The following ZRSR2 variants were observed in gnomAD, a reference collection of about 807,000 sequenced individuals.
The protein encoded by ZRSR2 is zinc finger CCCH-type, RNA binding motif and serine/arginine rich 2.
ZRSR2 carries 3 observed loss-of-function variants against 39.4 expected under a neutral mutation model. The observed-to-expected ratio is 0.08, with a 90% CI of 0.03 to 0.20. ZRSR2 has a LOEUF of 0.20. Among genes scored for constraint, ZRSR2 ranks in the 10% least tolerant of loss-of-function variants. The pLI is 1.00. For missense variants in ZRSR2, 256 were observed against 391.5 expected (o/e 0.65, Z 2.92); for synonymous variants, 137 against 136.0 (o/e 1.01, Z -0.05).
In ZRSR2 at chrX:15,820,210, A is replaced by C. The variant is rs1190737689; in HGVS notation, c.831A>C (p.Glu277Asp). Reference protein sequence around the residue: ...RGNVYVQYQSEEECQAALSLF... With the variant: ...RGNVYVQYQSDEECQAALSLF... ...TCATTTGATTTTTGGTTTAAAGGGA[A>C]GAAGAATGCCAAGCAGCCCTTTCTC... Residue 277 changes from glutamate to aspartate, a missense_variant, in exon 10 of 11, where the codon GAA (glutamate) becomes GAC (aspartate). Glu to Asp is a conservative substitution (Grantham distance 45, BLOSUM62 2). This residue lies in a region of ZRSR2 where 58 missense variants were observed against 163.1 expected (regional missense o/e 0.36). Transcript: ENST00000307771. 2.5e-6 allele frequency: 3 copies of C among 1,206,381 alleles called. No homozygotes were observed. In the African/African-American group the frequency reaches 5.3e-5, roughly 21 times the overall value.
At chrX:15,820,173 C>G (rs752986780) in intron 9 of ZRSR2, 34 bp from the exon 10 acceptor site, 1 of 1,113,139 alleles carries the variant, frequency 9.0e-7, no homozygotes. Flanking sequence ...TAGGAAGTTA[C>G]TGTAAAGCAT....
Position 15,791,383 on chromosome X carries a change from A to G in ZRSR2, c.121+370A>G, listed in dbSNP as rs186417252. Among the ~76,000 whole-genome samples the G allele has an allele frequency of 6.2e-5, 7 of 112,385 alleles. No homozygotes were observed. In the Admixed American group the frequency reaches 6.6e-4, roughly 11 times the overall value. ...TGAAGGTATTAATTAGACGTTTTGC[A>G]AGTTTTTCTCAAACTTGACTAATAT... On this transcript the variant is annotated intron_variant, in intron 2 of 10. Transcript: ENST00000307771.
Position 15,813,106 on chromosome X carries a change from A to G in ZRSR2, c.558-2571A>G, listed in dbSNP as rs138189524. On this transcript the variant is annotated intron_variant, in intron 7 of 10. Coordinates refer to ENST00000307771, the MANE Select transcript of ZRSR2 (RefSeq NM_005089.4). ...GACAAAGGTAATGCGTACCAGGAGCACTTCCCTGAGAAGAAGAAAAAGAGG... is the reference window on the plus strand; with the variant it reads ...GACAAAGGTAATGCGTACCAGGAGCGCTTCCCTGAGAAGAAGAAAAAGAGG... 3.4e-3 allele frequency among the ~76,000 whole-genome samples: 378 copies of G among 112,261 alleles called. 5 individuals are homozygous for G. Among genetic ancestry groups the G allele is most frequent in the African/African-American group, 0.012 (361 of 30,922 alleles).
intron 7 of ZRSR2, among the ~76,000 whole-genome samples, chrX:15,812,295 G>A (rs1412013758): frequency 8.9e-6 from 1 of 112,429 alleles, no homozygotes; most frequent in African/African-American, 3.2e-5. Flanking sequence ...AAGTATAACA[G>A]CAGTGTGGAG....
intron 2 of ZRSR2, among the ~76,000 whole-genome samples, chrX:15,798,571 T>C (rs1932556460): frequency 9.0e-6 from 1 of 111,612 alleles, no homozygotes; most frequent in African/African-American, 3.3e-5. Flanking sequence ...TTGCAACTCC[T>C]AAGAATAAGG....
intron 7 of ZRSR2, among the ~76,000 whole-genome samples, chrX:15,810,269 A>T (rs749244211): frequency 1.8e-5 from 2 of 112,013 alleles, no homozygotes; most frequent in Admixed American, 9.5e-5. Context: ...CACCTATTAT[A>T]TGCCAGGTAA....
intron 3 of ZRSR2, chrX:15,801,580 G>A (rs1218210153): frequency 6.6e-6 from 1 of 152,656 alleles, no homozygotes; most frequent in Non-Finnish European, 1.3e-5. Flanking sequence ...GTAATATGGA[G>A]ATAAAGTCAA....
At chrX:15,800,641 G>A (rs1307379944) in intron 3 of ZRSR2, among the ~76,000 whole-genome samples, 5 of 112,110 alleles carry the variant, frequency 4.5e-5, no homozygotes, top group African/African-American at 1.6e-4. Context: ...TTCTATAATG[G>A]CATGATATTT....
In ZRSR2 at chrX:15,812,267, T is replaced by C. The variant is rs1932898787; in HGVS notation, c.557+2949T>C. 3.6e-5 allele frequency among the ~76,000 whole-genome samples: 4 copies of C among 112,595 alleles called. No individual in the cohort carries two copies. In the Admixed American group the frequency reaches 3.8e-4, roughly 11 times the overall value. On this transcript the variant is annotated intron_variant, in intron 7 of 10. Transcript: ENST00000307771. ...ACAATTTTCATAGGCATATGAAATT[T>C]TACCATCACAACTATCAAAGTATAA...
intron 2 of ZRSR2, among the ~76,000 whole-genome samples, chrX:15,795,051 T>C (rs943245306): frequency 6.7e-4 from 72 of 107,607 alleles, no homozygotes; most frequent in African/African-American, 2.4e-3. Flanking sequence ...TTCTTCAAGA[T>C]ATCTTGAGAC....
intron 2 of ZRSR2, among the ~76,000 whole-genome samples, chrX:15,799,075 ACTTGGGAAG>A (rs947064444): frequency 3.7e-5 from 4 of 109,418 alleles, no homozygotes; most frequent in Non-Finnish European, 7.6e-5. Flanking sequence ...AGTCCCAGCT[ACTTGGGAAG>A]CTGAGGCAGG....
At position 15,815,694 on chromosome X, in the gene ZRSR2, A is replaced by G. The variant is rs1166712946; in HGVS notation, c.575A>G (p.Asn192Ser). The change falls in exon 8 of 11, where the codon AAT becomes AGT. Residue 192 changes from asparagine (N) to serine (S), a missense_variant. Around this residue, in one of 3 missense-constraint regions of ZRSR2, gnomAD observed 58 missense variants for 163.1 expected, o/e 0.36. Transcript: ENST00000307771. ...ATACGCAGATGTTCACGTAAACATA[A>G]TTTCCCAACATCCAGTCCTACCCTT... ...RFGDRCSRKH[N>S]FPTSSPTLLI... 3.3e-6 allele frequency: 4 copies of G among 1,203,307 alleles called. No individual in the cohort carries two copies. Among genetic ancestry groups the G allele is most frequent in the Non-Finnish European group, 4.5e-6 (4 of 890,177 alleles).
chrX:15,804,186 A>G lies in ZRSR2; in HGVS notation c.388A>G (p.Lys130Glu). The G allele has an allele frequency of 8.4e-7, 1 of 1,197,040 alleles. No individual in the cohort carries two copies. Among genetic ancestry groups the G allele is most frequent in the Non-Finnish European group, 1.1e-6 (1 of 890,023 alleles). The change falls in exon 5 of 11, where the codon AAA becomes GAA. Residue 130 changes from lysine (K) to glutamate (E), a missense_variant. Transcript: ENST00000307771. ...GGAGGAGCAGAAACGACAGGAGAAGAAAGAAAAAGAGGTGATTCCTGTCAT... is the reference window on the plus strand; with the variant it reads ...GGAGGAGCAGAAACGACAGGAGAAGGAAGAAAAAGAGGTGATTCCTGTCAT... Reference protein sequence around the residue: ...EEEEQKRQEKKEKEEALQKML... With the variant: ...EEEEQKRQEKEEKEEALQKML...
rs141399311 is a variant in ZRSR2, at chrX:15,804,192, A to G, written c.394A>G (p.Lys132Glu). 3 of 1,192,423 alleles carry G rather than the reference A, an allele frequency of 2.5e-6. No individual in the cohort carries two copies. Among genetic ancestry groups the G allele is most frequent in the Non-Finnish European group, 3.4e-6 (3 of 889,022 alleles). The part of the protein sequence containing the change: ...EEQKRQEKKE[K>E]EEALQKMLDQ... ...GCAGAAACGACAGGAGAAGAAAGAA[A>G]AAGAGGTGATTCCTGTCATGGGATG... The change falls in exon 5 of 11, where the codon AAA (lysine) becomes GAA (glutamate). Residue 132 changes from lysine to glutamate, a missense_variant. Physicochemically the swap from Lys to Glu is moderately conservative, Grantham distance 56 (BLOSUM62 1). Transcript: ENST00000307771.
chrX:15,806,110 G>T (rs763329949), intron 5 of ZRSR2, among the ~76,000 whole-genome samples: 1 of 109,859 alleles, frequency 9.1e-6, no homozygotes, highest in East Asian at 2.9e-4. Context: ...CTGAAAAAAG[G>T]CCAGGGAACC....
chrX:15,795,088 T>C (rs577923580), intron 2 of ZRSR2, among the ~76,000 whole-genome samples: 1,105 of 59,277 alleles, frequency 0.019, 13 homozygotes, highest in Middle Eastern at 0.047. Flanking sequence ...CCTGCACTTT[T>C]CCCCCCCCCC....
Position 15,790,535 on chromosome X carries a change from A to T in ZRSR2, c.40A>T (p.Ser14Cys). ...PEKMTFPEKP[S>C]HKKYRAALKK... is the part of the protein sequence containing the mutation. ...GAAGATGACGTTTCCCGAGAAACCA[A>T]GGTAAGCGCCGTACGGGGAGATGAG... The change falls in exon 1 of 11, where the codon AGC (serine) becomes TGC (cysteine). Residue 14 changes from serine (S) to cysteine (C), a missense_variant and splice_region_variant. Physicochemically the swap from Ser to Cys is moderately radical, Grantham distance 112 (BLOSUM62 -1). Transcript: ENST00000307771. 8.6e-7 allele frequency: 1 copy of T among 1,159,264 alleles called. No individual in the cohort carries two copies. Among genetic ancestry groups the T allele is most frequent in the East Asian group, 3.3e-5 (1 of 30,228 alleles).
At chrX:15,809,178 A>G (rs1451067727) in intron 6 of ZRSR2, 22 bp from the exon 7 acceptor site, 5 of 1,091,063 alleles carry the variant, frequency 4.6e-6, no homozygotes, top group Non-Finnish European at 6.4e-6. Flanking sequence ...TCCACCAGTA[A>G]AGTCATGGTT....
At chrX:15,822,521 G>A (rs776164524) in intron 10 of ZRSR2, among the ~76,000 whole-genome samples, 1 of 112,617 alleles carries the variant, frequency 8.9e-6, no homozygotes, top group African/African-American at 3.2e-5. Flanking sequence ...CTTCTGATTT[G>A]TTACCTTTCA....
Sources: gnomAD v4.1 joint callset for allele counts (sites outside exome capture counted in the v4.1 genomes callset) on GRCh38, gnomAD v4.1.1 for gene constraint, gnomAD v4.1.1 regional missense constraint, MANE v1.5 for transcripts, NCBI Gene and HGNC (gene_info 2026-07-23, HGNC 2026-07-21) for gene names.